RIMS2: variants seen among roughly 807,000 people sequenced by gnomAD.
RIMS2 encodes regulating synaptic membrane exocytosis protein 2.
In RIMS2, 59 loss-of-function variants were observed where a neutral mutation model predicts 174.4. The observed-to-expected ratio is 0.34, with a 90% CI of 0.27 to 0.42. The LOEUF is 0.42. Ranked by LOEUF, RIMS2 falls within the 10% of genes least tolerant of loss-of-function variation. RIMS2 has a pLI of 1.00. For missense variants in RIMS2, 1,620 were observed against 1,666.3 expected, an observed-to-expected ratio of 0.97 and a Z score of 0.48; for synonymous variants, 606 against 572.5, an observed-to-expected ratio of 1.06 and a Z score of -0.84.
chr8:103,837,577 G>C (rs1040478372), intron 3 of RIMS2, among the ~76,000 whole-genome samples: 11 of 151,984 alleles, frequency 7.2e-5, no homozygotes, highest in African/African-American at 2.7e-4. Flanking sequence ...TGTTCTCATT[G>C]TTCAATTCCC....
At chr8:104,147,565 G>A (rs1599929308) in intron 19 of RIMS2, among the ~76,000 whole-genome samples, 2 of 152,026 alleles carry the variant, frequency 1.3e-5, no homozygotes, top group East Asian at 3.9e-4. Context: ...TTTAAATAAT[G>A]TTTAAAGATA....
chr8:103,670,526 T>G (rs1286010042), intron 1 of RIMS2, among the ~76,000 whole-genome samples: 2 of 152,212 alleles, frequency 1.3e-5, no homozygotes, highest in Non-Finnish European at 2.9e-5. Flanking sequence ...TAAAACTGAA[T>G]GCTTTTAACA....
At chr8:104,143,498 C>T (rs945940845) in intron 19 of RIMS2, among the ~76,000 whole-genome samples, 2 of 152,022 alleles carry the variant, frequency 1.3e-5, no homozygotes, top group Admixed American at 6.6e-5. Context: ...ATAGTAGTAA[C>T]AGGTATTCAG....
intron 1 of RIMS2, among the ~76,000 whole-genome samples, chr8:103,649,421 G>C (rs1589688720): frequency 6.6e-6 from 1 of 151,952 alleles, no homozygotes; most frequent in African/African-American, 2.4e-5. Context: ...ATGTGTCTTG[G>C]GGTTGATCTT....
chr8:104,140,265 T>C (rs975645273), intron 19 of RIMS2, among the ~76,000 whole-genome samples: 2 of 152,188 alleles, frequency 1.3e-5, no homozygotes, highest in African/African-American at 4.8e-5. Context: ...CTACATGTCA[T>C]AATTTTTACC....
intron 17 of RIMS2, among the ~76,000 whole-genome samples, chr8:103,990,212 G>A (rs1166387165): frequency 6.6e-6 from 1 of 152,032 alleles, no homozygotes; most frequent in Non-Finnish European, 1.5e-5. Flanking sequence ...AAGAACATTT[G>A]AGGGCTTTTA....
chr8:104,010,498 A>G (rs1404030611), intron 17 of RIMS2, among the ~76,000 whole-genome samples: 1 of 152,146 alleles, frequency 6.6e-6, no homozygotes, highest in Non-Finnish European at 1.5e-5. Flanking sequence ...GGTTGTTAAC[A>G]ATAGTATGTA....
chr8:104,072,650 C>T (rs1470841235), intron 19 of RIMS2, among the ~76,000 whole-genome samples: 1 of 151,964 alleles, frequency 6.6e-6, no homozygotes, highest in East Asian at 1.9e-4. Flanking sequence ...AATTGTTAGC[C>T]TAGGTTTTTT....
intron 3 of RIMS2, among the ~76,000 whole-genome samples, chr8:103,859,775 T>A (rs2099048686): frequency 6.6e-6 from 1 of 152,134 alleles, no homozygotes; most frequent in South Asian, 2.1e-4. Context: ...GGGTAATTAC[T>A]TGTTATGTGG....
At position 104,128,628 on chromosome 8, in the gene RIMS2, C is replaced by T. The variant is rs79378114; in HGVS notation, c.3334+114013C>T. 2.3e-3 allele frequency among the ~76,000 whole-genome samples: 348 copies of T among 152,168 alleles called. 3 individuals are homozygous for T. Among genetic ancestry groups the T allele is most frequent in the East Asian group, 0.022 (115 of 5,150 alleles). On this transcript the variant is annotated intron_variant, in intron 19 of 23. Coordinates refer to ENST00000504942, the Ensembl canonical transcript of RIMS2. ...AGGAGAATCGCTTGAACCTGGGAGG[C>T]GGAGGTTGCGGTGAGCCAAGATCGC...
At chr8:104,000,631 C>T (rs1415026185) in intron 17 of RIMS2, among the ~76,000 whole-genome samples, 1 of 151,800 alleles carries the variant, frequency 6.6e-6, no homozygotes, top group Non-Finnish European at 1.5e-5. Flanking sequence ...TAGGAACCTC[C>T]ATACTGTTTT....
intron 1 of RIMS2, among the ~76,000 whole-genome samples, chr8:103,650,524 C>T (rs1378690999): frequency 6.6e-6 from 1 of 152,240 alleles, no homozygotes; most frequent in Non-Finnish European, 1.5e-5. Context: ...ATGGCTGAGT[C>T]TACTGAACTG....
At chr8:104,130,762 G>A (rs971908303) in intron 19 of RIMS2, among the ~76,000 whole-genome samples, 1 of 152,164 alleles carries the variant, frequency 6.6e-6, no homozygotes, top group Non-Finnish European at 1.5e-5. Flanking sequence ...AGAGGGTGGA[G>A]ATTAGGTAAG....
chr8:103,579,157 A>C (rs1186663238), intron 1 of RIMS2, among the ~76,000 whole-genome samples: 3 of 152,064 alleles, frequency 2.0e-5, no homozygotes, highest in Non-Finnish European at 4.4e-5. Flanking sequence ...AATCCCAGCT[A>C]CTTGAGAGAA....
At chr8:104,022,972 T>G (rs780459704) in intron 19 of RIMS2, among the ~76,000 whole-genome samples, 7 of 152,178 alleles carry the variant, frequency 4.6e-5, no homozygotes, top group Admixed American at 1.3e-4. Context: ...TGGCTTAATA[T>G]TTTGATTATT....
intron 3 of RIMS2, among the ~76,000 whole-genome samples, chr8:103,881,209 G>A (rs1294952474): frequency 6.6e-6 from 1 of 151,396 alleles, no homozygotes; most frequent in Non-Finnish European, 1.5e-5. Flanking sequence ...GTCCAGTGTT[G>A]TCATAATTTT....
chr8:104,232,226 A>G (rs1276493432), intron 19 of RIMS2, among the ~76,000 whole-genome samples: 2 of 152,222 alleles, frequency 1.3e-5, no homozygotes, highest in Non-Finnish European at 2.9e-5. Flanking sequence ...TTATTGTGGA[A>G]TGAAAAGAAG....
intron 1 of RIMS2, among the ~76,000 whole-genome samples, chr8:103,602,799 T>C (rs2094825423): frequency 6.6e-6 from 1 of 152,210 alleles, no homozygotes; most frequent in African/African-American, 2.4e-5. Context: ...GAGGAATTTA[T>C]ATTAATTCTT....
Position 104,245,037 on chromosome 8 carries a change from CAGCT to C in RIMS2, c.3458_3461del (p.Ser1153ThrfsTer7). 1.2e-6 allele frequency: 2 copies of C among 1,613,758 alleles called. No individual in the cohort carries two copies. Among genetic ancestry groups the C allele is most frequent in the Non-Finnish European group, 1.7e-6 (2 of 1,179,724 alleles). ...GAGAGTCTACAGATGGTAGCATGAA[CAGCT>C]ACAGCTCAGAAGGAAAGTGAGTGAG... is the stretch of plus-strand genomic sequence containing the variant. On this transcript the variant is annotated frameshift_variant, in exon 20 of 24. Coordinates refer to ENST00000504942, the Ensembl canonical transcript of RIMS2. LOFTEE classifies it high-confidence loss of function.
Sources: gnomAD v4.1 joint callset for allele counts (sites outside exome capture counted in the v4.1 genomes callset) on GRCh38, gnomAD v4.1.1 for gene constraint, MANE v1.5 for transcripts, NCBI Gene and HGNC (gene_info 2026-07-23, HGNC 2026-07-21) for gene names.